TDRD1: variants seen among roughly 807,000 people sequenced by gnomAD.
The protein encoded by TDRD1 is tudor domain containing 1.
Under a neutral mutation model 140.6 loss-of-function variants are expected in TDRD1, and 37 were observed. The ratio of observed to expected loss-of-function variants is 0.26; its 90% CI spans 0.20 to 0.35. The LOEUF (loss-of-function observed/expected upper bound fraction) is 0.35, where lower values mean the gene tolerates loss of function less well. Among genes scored for constraint, TDRD1 ranks in the 10% least tolerant of loss-of-function variants. TDRD1 has a pLI of 1.00. For missense variants in TDRD1, 1,243 were observed against 1,393.0 expected (o/e 0.89, Z 1.71); for synonymous variants, 506 against 475.7 (o/e 1.06, Z -0.83).
In TDRD1 at chr10:114,202,118, G is replaced by C. The variant is rs1046200211; in HGVS notation, c.636-120G>C. On this transcript the variant is annotated intron_variant, in intron 5 of 25. Transcript: ENST00000251864. ...AGTTTTACATTACCACTGTGATTCT[G>C]GAAGAAGCTGTTTTGCTCTTTCAGG... 3.1e-5 allele frequency: 22 copies of C among 714,898 alleles called. No homozygotes were observed. In the Admixed American group the frequency reaches 6.4e-4, roughly 21 times the overall value. 44.3% of individuals were successfully genotyped at this position (714,898 alleles called of 1,614,324 possible).
At chr10:114,231,765 C>T (rs1160332685) in exon 26 of TDRD1, 1 of 463,130 alleles carries the variant, frequency 2.2e-6, no homozygotes, top group Non-Finnish European at 3.7e-6. Flanking sequence ...TAGGGACTTT[C>T]TGCTATATAT....
chr10:114,206,120 A>G (rs1411379339), intron 10 of TDRD1, 124 bp from the exon 11 acceptor site: 10 of 726,856 alleles, frequency 1.4e-5, no homozygotes. Flanking sequence ...TTGGCAAAAC[A>G]TATACCAACC....
intron 21 of TDRD1, among the ~76,000 whole-genome samples, chr10:114,224,282 A>G (rs1405035636): frequency 2.6e-5 from 4 of 152,234 alleles, no homozygotes; most frequent in African/African-American, 7.2e-5. Flanking sequence ...GTTTCTGGTC[A>G]AAAGATTAAT....
chr10:114,213,875 G>C, intron 15 of TDRD1, 102 bp from the exon 16 acceptor site: 2 of 1,049,776 alleles, frequency 1.9e-6, no homozygotes, highest in Non-Finnish European at 2.9e-6. Flanking sequence ...CACTTAAAAA[G>C]TCAGTGGAAA....
In TDRD1 at chr10:114,204,615, T is replaced by C. The variant is rs535953601; in HGVS notation, c.1126-107T>C. 7 of 1,156,590 alleles carry C rather than the reference T, an allele frequency of 6.1e-6. No homozygotes were observed. The East Asian group carries it at 1.9e-4, about 31-fold the overall frequency. The allele number at this position is 1,156,590 out of a possible 1,614,324, so 71.6% of individuals were successfully genotyped here. The stretch of plus-strand genomic sequence containing the variant: ...TGTCTATCTGATTAGTACTTGAAGA[T>C]TTGTGATAAGTTTTCAGCATGAAAT... On this transcript the variant is annotated intron_variant, in intron 9 of 25. Coordinates refer to ENST00000251864, the Ensembl canonical transcript of TDRD1.
At chr10:114,202,355 T>A (rs1450342580) in intron 6 of TDRD1, 57 bp downstream of exon 6, 1 of 1,215,206 alleles carries the variant, frequency 8.2e-7, no homozygotes, top group Non-Finnish European at 1.1e-6. Context: ...AATTAAGATG[T>A]AAGATAAATA....
intron 20 of TDRD1, 105 bp from the exon 21 acceptor site, chr10:114,222,482 A>G (rs2036200614): frequency 1.9e-6 from 1 of 536,312 alleles, no homozygotes; most frequent in Admixed American, 2.9e-5. Context: ...ATATATTTTA[A>G]TACACAAAGG....
At chr10:114,213,875 G>A (rs1161968493) in intron 15 of TDRD1, 102 bp from the exon 16 acceptor site, 2 of 1,049,776 alleles carry the variant, frequency 1.9e-6, no homozygotes, top group East Asian at 2.4e-5. Context: ...CACTTAAAAA[G>A]TCAGTGGAAA....
chr10:114,187,587 G>T (rs528753562), intron 1 of TDRD1, among the ~76,000 whole-genome samples: 145 of 152,334 alleles, frequency 9.5e-4, no homozygotes, highest in African/African-American at 3.4e-3. Flanking sequence ...TGAACGCTGA[G>T]ATTTTTGATT....
rs780006383 is a variant in TDRD1, at chr10:114,203,587, A to G, written c.981+20A>G. On this transcript the variant is annotated intron_variant, in intron 8 of 25. Coordinates refer to ENST00000251864, the Ensembl canonical transcript of TDRD1. ...GATCAGGTAACCTGTAATGAAATGA[A>G]TTATTTAAAACGTTTGAGCTAACTT... 1 of 1,579,836 alleles carries G rather than the reference A, an allele frequency of 6.3e-7. No individual in the cohort carries two copies. The highest frequency in any genetic ancestry group is 1.9e-5 in the Admixed American group (1 of 52,732).
At chr10:114,191,018 T>C in exon 3 of TDRD1, 1 of 1,613,720 alleles carries the variant, frequency 6.2e-7, no homozygotes, top group Non-Finnish European at 8.5e-7. Flanking sequence ...GAAGTGAATA[T>C]TGTAAGTTAT....
intron 25 of TDRD1, chr10:114,228,131 G>A (rs773534620): frequency 6.3e-7 from 1 of 1,578,806 alleles, no homozygotes; most frequent in Admixed American, 1.8e-5. Flanking sequence ...AAAAAGTTAA[G>A]TAAGTTAAAT....
At chr10:114,188,235 C>T in intron 2 of TDRD1, 79 bp downstream of exon 2, 1 of 1,257,714 alleles carries the variant, frequency 8.0e-7, no homozygotes, top group Non-Finnish European at 1.1e-6. Flanking sequence ...TAACCACACA[C>T]CAGTGGGCTA....
intron 14 of TDRD1, 65 bp downstream of exon 14, chr10:114,212,101 A>G (rs1356976867): frequency 1.1e-5 from 16 of 1,446,510 alleles, no homozygotes; most frequent in Non-Finnish European, 1.4e-5. Context: ...ATGAAAAGAT[A>G]CACGAAATAG....
intron 3 of TDRD1, among the ~76,000 whole-genome samples, chr10:114,191,342 A>G (rs1589663538): frequency 6.6e-6 from 1 of 152,130 alleles, no homozygotes; most frequent in Non-Finnish European, 1.5e-5. Context: ...TCCCTTATAT[A>G]CCTTGTTGCT....
intron 3 of TDRD1, among the ~76,000 whole-genome samples, chr10:114,196,572 C>T (rs1346308820): frequency 6.6e-6 from 1 of 151,966 alleles, no homozygotes; most frequent in Non-Finnish European, 1.5e-5. Context: ...CAGCCCACCT[C>T]CTCCTTTCCC....
exon 2 of TDRD1, chr10:114,187,993 G>T (rs2033667057): frequency 1.2e-6 from 2 of 1,614,020 alleles, no homozygotes; most frequent in African/African-American, 2.7e-5. Flanking sequence ...CTAATTTCAG[G>T]CTGAAAAGCT....
Position 114,203,027 on chromosome 10 carries a change from CAT to C in TDRD1, c.697-44_697-43del, listed in dbSNP as rs113359700. On this transcript the variant is annotated intron_variant, in intron 6 of 25. Transcript: ENST00000251864. Reference sequence around the variant, plus strand: ...TGTAGTGGCCATAGAATCATTGAAACATGTGCTTTTAAGTAACTCACTTCTGT... The same window carrying C: ...TGTAGTGGCCATAGAATCATTGAAACGTGCTTTTAAGTAACTCACTTCTGT... 3.4e-4 allele frequency: 443 copies of C among 1,294,884 alleles called. 1 individual carries two copies. The highest frequency in any genetic ancestry group is 1.1e-3 in the African/African-American group (77 of 68,790). The allele number at this position is 1,294,884 out of a possible 1,614,324, so 80.2% of individuals were successfully genotyped here. A position where few individuals can be genotyped will look rare whatever the true frequency, so the allele number is the denominator to read the frequency against.
intron 14 of TDRD1, among the ~76,000 whole-genome samples, chr10:114,212,833 A>G (rs1322675955): frequency 6.6e-6 from 1 of 152,200 alleles, no homozygotes; most frequent in Non-Finnish European, 1.5e-5. Context: ...TTAACTATAC[A>G]ATTCAGTAAT....
Sources: allele counts gnomAD v4.1 joint callset (sites outside exome capture counted in the v4.1 genomes callset), GRCh38; gene constraint gnomAD v4.1.1; transcripts MANE v1.5; gene names NCBI Gene and HGNC (gene_info 2026-07-23, HGNC 2026-07-21).